BCOR: variants seen among roughly 807,000 people sequenced by gnomAD.
BCOR encodes the protein BCL-6 corepressor.
In BCOR, 10 loss-of-function variants were observed where a neutral mutation model predicts 86.7. That is an observed-to-expected ratio of 0.12 (90% CI 0.07 to 0.20). The LOEUF is 0.20. BCOR is among the 10% of genes least tolerant of loss of function. The pLI, the probability that BCOR is intolerant of heterozygous loss-of-function variation, is 1.00. For missense variants in BCOR, 1,259 were observed against 1,452.1 expected, an observed-to-expected ratio of 0.87 and a Z score of 2.16; for synonymous variants, 611 against 609.0, an observed-to-expected ratio of 1.00 and a Z score of -0.05.
At chrX:40,110,504 T>C (rs953606918) in intron 1 of BCOR, among the ~76,000 whole-genome samples, 5 of 108,592 alleles carry the variant, frequency 4.6e-5, no homozygotes, top group Admixed American at 2.0e-4. Context: ...AGGCAAAATA[T>C]TCTCCTCTCC....
intron 1 of BCOR, among the ~76,000 whole-genome samples, chrX:40,107,090 G>A (rs1406995866): frequency 1.8e-5 from 2 of 112,596 alleles, no homozygotes; most frequent in Non-Finnish European, 3.8e-5. Context: ...AGTCGGTGAA[G>A]AAGGGGAGGG....
chrX:40,087,697 T>C (rs1451790671), intron 1 of BCOR, among the ~76,000 whole-genome samples: 1 of 112,142 alleles, frequency 8.9e-6, no homozygotes, highest in Non-Finnish European at 1.9e-5. Context: ...GAGATTTCTC[T>C]AGTTGATGTC....
At chrX:40,148,676 A>G (rs2147982435) in intron 1 of BCOR, among the ~76,000 whole-genome samples, 1 of 110,996 alleles carries the variant, frequency 9.0e-6, no homozygotes, top group African/African-American at 3.3e-5. Flanking sequence ...GGGCCTGACA[A>G]TTTACAAAAG....
At chrX:40,076,118 C>A in intron 3 of BCOR, among the ~76,000 whole-genome samples, 1 of 112,286 alleles carries the variant, frequency 8.9e-6, no homozygotes, top group East Asian at 2.8e-4. Flanking sequence ...TCCTGTGTTT[C>A]GTATTTTACT....
chrX:40,175,616 G>A (rs1938730269), intron 1 of BCOR, among the ~76,000 whole-genome samples: 1 of 112,942 alleles, frequency 8.9e-6, no homozygotes, highest in African/African-American at 3.2e-5. Context: ...GAGGGAGGGG[G>A]GATGCAAATG....
At chrX:40,096,227 G>A (rs199770086) in intron 1 of BCOR, among the ~76,000 whole-genome samples, 1 of 111,642 alleles carries the variant, frequency 9.0e-6, no homozygotes, top group Non-Finnish European at 1.9e-5. Flanking sequence ...ACTTTCACAC[G>A]CCCATCAGGG....
At chrX:40,173,510 G>C (rs1938675499) in intron 1 of BCOR, among the ~76,000 whole-genome samples, 1 of 112,166 alleles carries the variant, frequency 8.9e-6, no homozygotes, top group Non-Finnish European at 1.9e-5. Context: ...GGTCTTGGCA[G>C]GGTGGAAAGG....
chrX:40,157,579 G>A (rs1304900365), intron 1 of BCOR, among the ~76,000 whole-genome samples: 1 of 112,477 alleles, frequency 8.9e-6, no homozygotes, highest in Non-Finnish European at 1.9e-5. Context: ...TGCAAACTTT[G>A]GTTGGAACCT....
chrX:40,095,815 C>T lies in BCOR; in HGVS notation c.-41+1400G>A, dbSNP rs773795480. On this transcript the variant is annotated intron_variant, in intron 1 of 14. Transcript: ENST00000378444. ...ACTCACAGCCTCTAGCTGGAGATCGCGGACTTTCTGGAAAAGATTCATTAA... is the reference window on the plus strand; with the variant it reads ...ACTCACAGCCTCTAGCTGGAGATCGTGGACTTTCTGGAAAAGATTCATTAA... 3.4e-3 allele frequency among the ~76,000 whole-genome samples: 360 copies of T among 104,438 alleles called. 2 individuals carry two copies. Among genetic ancestry groups the T allele is most frequent in the Non-Finnish European group, 4.7e-3 (240 of 51,110 alleles). The allele number at this position is 104,438 out of a possible 115,157, so 90.7% of individuals were successfully genotyped here. A position where few individuals can be genotyped will look rare whatever the true frequency, so the allele number is the denominator to read the frequency against.
At chrX:40,056,548 A>T (rs1424733110) in intron 11 of BCOR, among the ~76,000 whole-genome samples, 2 of 111,617 alleles carry the variant, frequency 1.8e-5, no homozygotes, top group East Asian at 5.6e-4. Flanking sequence ...AATCTGAGGG[A>T]ATGCTATTTG....
In BCOR at chrX:40,063,079, C is replaced by T. The variant is rs775007855; in HGVS notation, c.3848-8G>A. ...CGGAGAACACAGGCAAGCCTAAATA[C>T]GGAGGGGGTGACGGGGTGGCGGGCG... On this transcript the variant is annotated splice_region_variant and splice_polypyrimidine_tract_variant and intron_variant, in intron 8 of 14. Transcript: ENST00000378444. The T allele has an allele frequency of 2.1e-5, 14 of 667,791 alleles. No individual in the cohort carries two copies. The highest frequency in any genetic ancestry group is 1.2e-4 in the East Asian group (1 of 8,450). 55.0% of individuals were successfully genotyped at this position (667,791 alleles called of 1,213,427 possible). A position where few individuals can be genotyped will look rare whatever the true frequency, so the allele number is the denominator to read the frequency against.
chrX:40,065,464 A>T (rs1935152766), intron 6 of BCOR, among the ~76,000 whole-genome samples: 1 of 112,147 alleles, frequency 8.9e-6, no homozygotes, highest in Non-Finnish European at 1.9e-5. Context: ...GCATCGACAG[A>T]CATCTCCTCA....
intron 1 of BCOR, among the ~76,000 whole-genome samples, chrX:40,135,254 C>T (rs149206321): frequency 4.3e-3 from 480 of 111,596 alleles, no homozygotes; most frequent in African/African-American, 0.015. Flanking sequence ...ATCTCCAAGA[C>T]ATGCTTAGAG....
chrX:40,062,766 C>A lies in BCOR; in HGVS notation c.4153G>T (p.Val1385Leu), dbSNP rs577082253. 2 of 1,210,927 alleles carry A rather than the reference C, an allele frequency of 1.7e-6. No individual in the cohort carries two copies. Among genetic ancestry groups the A allele is most frequent in the South Asian group, 3.5e-5 (2 of 56,856 alleles). The change falls in exon 9 of 15, where the codon GTG (valine) becomes TTG (leucine). Residue 1385 changes from valine to leucine, a missense_variant. Coordinates refer to ENST00000378444, the MANE Select transcript of BCOR (RefSeq NM_001123385.2). ...RGLPLTGEYY[V>L]ENADGKVTVR... ...GGTACCTTGCCATCGGCATTCTCCA[C>A]GTAGTATTCCCCTGTCAGTGGCAAT...
chrX:40,067,332 C>T (rs1935252559), intron 6 of BCOR, among the ~76,000 whole-genome samples: 1 of 111,985 alleles, frequency 8.9e-6, no homozygotes, highest in Non-Finnish European at 1.9e-5. Flanking sequence ...CTGGGGCTCC[C>T]CATCTAGGAA....
intron 1 of BCOR, among the ~76,000 whole-genome samples, chrX:40,168,735 G>A (rs1450716806): frequency 1.6e-4 from 18 of 113,374 alleles, no homozygotes; most frequent in Non-Finnish European, 1.7e-4. Flanking sequence ...CCGCGAGCAC[G>A]GAGCCAGGGC....
At chrX:40,053,513 A>G (rs1243867644) in intron 14 of BCOR, among the ~76,000 whole-genome samples, 1 of 112,040 alleles carries the variant, frequency 8.9e-6, no homozygotes, top group Non-Finnish European at 1.9e-5. Context: ...GTACATCTCA[A>G]AACATCCTAC....
At chrX:40,066,177 G>A (rs917369415) in intron 6 of BCOR, among the ~76,000 whole-genome samples, 8 of 111,766 alleles carry the variant, frequency 7.2e-5, no homozygotes, top group Admixed American at 4.7e-4. Context: ...CCCCCACCAT[G>A]GAATACCACC....
chrX:40,110,660 C>CCTTTTTCTTTTT (rs1937287102), intron 1 of BCOR, among the ~76,000 whole-genome samples: 1 of 30,963 alleles, frequency 3.2e-5, no homozygotes, highest in Non-Finnish European at 8.1e-5. Flanking sequence ...TTTCTTTTTT[C>CCTTTTTCTTTTT]CTTTTTCTTT....
Sources: allele counts gnomAD v4.1 joint callset (sites outside exome capture counted in the v4.1 genomes callset), GRCh38; gene constraint gnomAD v4.1.1; transcripts MANE v1.5; gene names NCBI Gene and HGNC (gene_info 2026-07-23, HGNC 2026-07-21).